Variants in DCX observed in about 807,000 individuals in gnomAD.
The protein encoded by DCX is neuronal migration protein doublecortin.
DCX carries 4 observed loss-of-function variants against 20.9 expected under a neutral mutation model. The observed-to-expected ratio is 0.19, with a 90% CI of 0.09 to 0.44. The LOEUF is 0.44. Among genes scored for constraint, DCX ranks in the 20% least tolerant of loss-of-function variants. The probability of loss-of-function intolerance (pLI) is 0.99; values close to 1 mark genes in which losing one functional copy is unlikely to be tolerated. For synonymous variants in DCX, 103 were observed against 111.4 expected (o/e 0.92, Z 0.47); for missense variants, 133 against 296.9 (o/e 0.45, Z 4.06).
In DCX at chrX:111,410,126, C is replaced by G; in HGVS notation, c.273G>C (p.Leu91=). The part of the protein sequence containing the change: ...DALLADLTRS[L]SDNINLPQGV... ...CCTGAGGCAGGTTGATGTTGTCAGA[C>G]AGAGATCGCGTCAGGTCAGCCAGCA... is the stretch of plus-strand genomic sequence containing the variant. Residue 91 remains leucine (L), a synonymous_variant, in exon 2 of 7, where the codon CTG becomes CTC. Coordinates refer to ENST00000636035, the MANE Select transcript of DCX (RefSeq NM_001195553.2). The G allele has an allele frequency of 8.3e-7, 1 of 1,211,549 alleles. No individual in the cohort carries two copies. The highest frequency in any genetic ancestry group is 1.1e-6 in the Non-Finnish European group (1 of 895,498).
At position 111,399,213 on chromosome X, in the gene DCX, C is replaced by CATATATAT. The variant is rs761586513; in HGVS notation, c.705+1769_705+1776dup. On this transcript the variant is annotated intron_variant, in intron 3 of 6. Transcript: ENST00000636035. ...ATCTCATTTAATGATGAATTATATG[C>CATATATAT]ATATATATATATATACATCCATGTG... Among the ~76,000 whole-genome samples the CATATATAT allele has an allele frequency of 4.9e-3, 528 of 108,352 alleles. 6 individuals carry two copies. The highest frequency in any genetic ancestry group is 0.017 in the African/African-American group (496 of 29,943). The allele number at this position is 108,352 out of a possible 115,157, so 94.1% of individuals were successfully genotyped here. A position where few individuals can be genotyped will look rare whatever the true frequency, so the allele number is the denominator to read the frequency against.
At chrX:111,382,807 A>G (rs181405707) in intron 3 of DCX, among the ~76,000 whole-genome samples, 1 of 111,739 alleles carries the variant, frequency 8.9e-6, no homozygotes, top group East Asian at 2.8e-4. Context: ...GCTCAAAAAG[A>G]GGTGACCATG....
At chrX:111,307,931 T>C in intron 6 of DCX, among the ~76,000 whole-genome samples, 2 of 111,620 alleles carry the variant, frequency 1.8e-5, no homozygotes, top group Admixed American at 1.9e-4. Flanking sequence ...GAGATTTCAC[T>C]TGTAGCTGCT....
At chrX:111,345,195 G>A (rs1230753256) in intron 3 of DCX, among the ~76,000 whole-genome samples, 1 of 111,955 alleles carries the variant, frequency 8.9e-6, no homozygotes, top group East Asian at 2.8e-4. Flanking sequence ...GCCATATGTA[G>A]AAAACTGAAA....
chrX:111,401,614 G>A (rs1927797600), intron 2 of DCX, among the ~76,000 whole-genome samples: 1 of 112,013 alleles, frequency 8.9e-6, no homozygotes, highest in Non-Finnish European at 1.9e-5. Context: ...AACAAGTGGA[G>A]TTCCAAGCTT....
chrX:111,303,191 G>T (rs1052459169), intron 6 of DCX, among the ~76,000 whole-genome samples: 3 of 108,648 alleles, frequency 2.8e-5, no homozygotes, highest in Non-Finnish European at 5.7e-5. Flanking sequence ...GGGCTCAAGT[G>T]ATTCTCCTAC....
intron 6 of DCX, among the ~76,000 whole-genome samples, chrX:111,303,095 T>G (rs972418748): frequency 5.5e-5 from 6 of 109,087 alleles, no homozygotes; most frequent in Non-Finnish European, 9.5e-5. Context: ...TAAGAAACTT[T>G]TTTTTTTTTT....
In DCX at chrX:111,402,255, G is replaced by A. The variant is rs150569708; in HGVS notation, c.365-925C>T. 4.9e-3 allele frequency among the ~76,000 whole-genome samples: 546 copies of A among 111,774 alleles called. 3 individuals are homozygous for A. Among genetic ancestry groups the A allele is most frequent in the Middle Eastern group, 9.4e-3 (2 of 213 alleles). On this transcript the variant is annotated intron_variant, in intron 2 of 6. Coordinates refer to ENST00000636035, the MANE Select transcript of DCX (RefSeq NM_001195553.2). ...AGTGTAATTTTCACATTTACCTTGG[G>A]CTAGAGGAAATGACTAATATCGCAA...
In DCX at chrX:111,366,342, T is replaced by C. The variant is rs183170772; in HGVS notation, c.706-33189A>G. 2.9e-3 allele frequency among the ~76,000 whole-genome samples: 320 copies of C among 111,733 alleles called. 3 individuals carry two copies. Among genetic ancestry groups the C allele is most frequent in the Non-Finnish European group, 3.3e-3 (177 of 53,167 alleles). On this transcript the variant is annotated intron_variant, in intron 3 of 6. Coordinates refer to ENST00000636035, the MANE Select transcript of DCX (RefSeq NM_001195553.2). Reference sequence around the variant, plus strand: ...TTGTAGACTGATTTCAGATCATGTGTCAGAAAACAGGGATAGTAATCAGGA... The same window carrying C: ...TTGTAGACTGATTTCAGATCATGTGCCAGAAAACAGGGATAGTAATCAGGA...
At chrX:111,346,225 A>G (rs1189930125) in intron 3 of DCX, among the ~76,000 whole-genome samples, 1 of 111,537 alleles carries the variant, frequency 9.0e-6, no homozygotes, top group African/African-American at 3.3e-5. Context: ...TGCTGTGCAG[A>G]AGCTCTTTAG....
rs771802792 is a variant in DCX at position 111,299,682 on chromosome X, T to A, written c.*2005A>T. The A allele has an allele frequency of 9.0e-6, 1 of 111,451 alleles. No individual in the cohort carries two copies. The allele number at this position is 111,451 out of a possible 1,213,427, so 9.2% of individuals were successfully genotyped here. On this transcript the variant is annotated 3_prime_UTR_variant, in exon 7 of 7. Coordinates refer to ENST00000636035, the MANE Select transcript of DCX (RefSeq NM_001195553.2). ...GAGCTTCTAGAAAGAAATAGGGGCT[T>A]AGTAAAATGGGCTTATTAATGGTTT...
intron 2 of DCX, among the ~76,000 whole-genome samples, chrX:111,407,560 T>A (rs1471101673): frequency 9.0e-6 from 1 of 111,533 alleles, no homozygotes; most frequent in Non-Finnish European, 1.9e-5. Context: ...TGAGGTCCAC[T>A]GTGCCTTGTA....
intron 3 of DCX, among the ~76,000 whole-genome samples, chrX:111,342,339 T>TTATATATATATATATATATA (rs60045433): frequency 9.6e-5 from 2 of 20,739 alleles, no homozygotes; most frequent in African/African-American, 2.0e-4. Context: ...GAGCTAACTA[T>TTATATATATATATATATATA]TATATATATA....
intron 3 of DCX, among the ~76,000 whole-genome samples, chrX:111,344,386 C>G (rs1247329730): frequency 4.5e-5 from 5 of 111,400 alleles, no homozygotes; most frequent in Non-Finnish European, 9.4e-5. Context: ...AAGTTCTGGC[C>G]AGGGCAATCA....
intron 2 of DCX, among the ~76,000 whole-genome samples, chrX:111,409,201 A>T (rs891288597): frequency 8.9e-6 from 1 of 111,767 alleles, no homozygotes; most frequent in African/African-American, 3.3e-5. Flanking sequence ...AGAATGTTAA[A>T]AATGTGACCC....
At chrX:111,341,541 C>T (rs1002560028) in intron 3 of DCX, among the ~76,000 whole-genome samples, 3 of 110,798 alleles carry the variant, frequency 2.7e-5, no homozygotes, top group African/African-American at 9.9e-5. Flanking sequence ...TAAGATACTC[C>T]ATGAGAAGAT....
intron 3 of DCX, among the ~76,000 whole-genome samples, chrX:111,390,436 AAC>A (rs1251366027): frequency 1.8e-5 from 2 of 112,166 alleles, no homozygotes; most frequent in Admixed American, 9.5e-5. Flanking sequence ...TGTTTGTGGT[AAC>A]TTACTACACA....
At chrX:111,307,393 G>C (rs1191572043) in intron 6 of DCX, among the ~76,000 whole-genome samples, 1 of 109,986 alleles carries the variant, frequency 9.1e-6, no homozygotes, top group African/African-American at 3.3e-5. Flanking sequence ...ACAAATGTAA[G>C]AGAAGGTTTT....
chrX:111,312,809 A>C, intron 5 of DCX, 73 bp from the exon 6 acceptor site: 1 of 980,624 alleles, frequency 1.0e-6, no homozygotes, highest in African/African-American at 1.9e-5. Flanking sequence ...CCTTCCCCTC[A>C]GAAGACACTA....
Sources: gnomAD v4.1 joint callset for allele counts (sites outside exome capture counted in the v4.1 genomes callset) on GRCh38, gnomAD v4.1.1 for gene constraint, MANE v1.5 for transcripts, NCBI Gene and HGNC (gene_info 2026-07-23, HGNC 2026-07-21) for gene names.